The following OTUB2 variants were observed in gnomAD, a reference collection of about 807,000 sequenced individuals.
OTUB2 encodes the protein ubiquitin thioesterase OTUB2.
OTUB2 carries 21 observed loss-of-function variants against 25.1 expected under a neutral mutation model. The ratio of observed to expected loss-of-function variants is 0.84; its 90% confidence interval spans 0.59 to 1.21. The LOEUF (loss-of-function observed/expected upper bound fraction) is 1.21, where lower values mean the gene tolerates loss of function less well. OTUB2 is among the 50% of genes most tolerant of loss of function. The probability of loss-of-function intolerance (pLI) is 0.00; values close to 1 mark genes in which losing one functional copy is unlikely to be tolerated. For synonymous variants in OTUB2, 122 were observed against 122.8 expected, an observed-to-expected ratio of 0.99 and a Z score of 0.04; for missense variants, 283 against 298.0, an observed-to-expected ratio of 0.95 and a Z score of 0.37.
intron 3 of OTUB2, chr14:94,039,490 C>A (rs554978803): frequency 6.8e-5 from 13 of 191,896 alleles, no homozygotes; most frequent in Admixed American, 4.7e-4. Flanking sequence ...GCTGGCTGGG[C>A]CTGTCCCTGA....
chr14:94,029,832 G>C (rs1020330635), intron 1 of OTUB2, among the ~76,000 whole-genome samples: 4 of 152,194 alleles, frequency 2.6e-5, no homozygotes, highest in African/African-American at 9.7e-5. Context: ...CGGGCAGCAT[G>C]CGGGTAAACA....
At chr14:94,040,984 G>C (rs1885150432) in intron 3 of OTUB2, among the ~76,000 whole-genome samples, 1 of 152,234 alleles carries the variant, frequency 6.6e-6, no homozygotes, top group African/African-American at 2.4e-5. Context: ...GGATTGCGCA[G>C]CACGGGGGAC....
In OTUB2 at chr14:94,048,702, C is replaced by A. The variant is rs1469047965; in HGVS notation, c.*2780C>A. ...GCACTGCAGATGGGGAAGCATGTCACCTTGGCAGTGACTCGGTGGCTTCCC... is the reference window on the plus strand; with the variant it reads ...GCACTGCAGATGGGGAAGCATGTCAACTTGGCAGTGACTCGGTGGCTTCCC... On this transcript the variant is annotated 3_prime_UTR_variant, in exon 6 of 6. Coordinates refer to ENST00000203664, the MANE Select transcript of OTUB2 (RefSeq NM_023112.4). The A allele has an allele frequency of 1.3e-5, 2 of 152,234 alleles. No individual in the cohort carries two copies. Among genetic ancestry groups the A allele is most frequent in the Non-Finnish European group, 2.9e-5 (2 of 68,052 alleles). The allele number at this position is 152,234 out of a possible 1,614,324, so 9.4% of individuals were successfully genotyped here.
chr14:94,038,950 C>T lies in OTUB2; in HGVS notation c.100-13C>T. 6.2e-7 allele frequency: 1 copy of T among 1,612,492 alleles called. No homozygotes were observed. ...TTGGTGCAAATGCCCACATTTCTTT[C>T]TGTCCCCCTCAGGAACTCAGCAAAA... is the stretch of plus-strand genomic sequence containing the variant. On this transcript the variant is annotated splice_polypyrimidine_tract_variant and intron_variant, in intron 2 of 5. Coordinates refer to ENST00000203664, the MANE Select transcript of OTUB2 (RefSeq NM_023112.4).
chr14:94,048,361 C>G lies in OTUB2; in HGVS notation c.*2439C>G, dbSNP rs1885320413. 1 of 152,206 alleles carries G rather than the reference C, an allele frequency of 6.6e-6. No homozygotes were observed. Among genetic ancestry groups the G allele is most frequent in the Non-Finnish European group, 1.5e-5 (1 of 68,046 alleles). 9.4% of individuals were successfully genotyped at this position (152,206 alleles called of 1,614,324 possible). On this transcript the variant is annotated 3_prime_UTR_variant, in exon 6 of 6. Coordinates refer to ENST00000203664, the MANE Select transcript of OTUB2 (RefSeq NM_023112.4). ...CTTTTAAATCAATGGGAACAATTAG[C>G]AACAGAAAGAGCACAGTCCCTGCTT...
intron 1 of OTUB2, among the ~76,000 whole-genome samples, chr14:94,034,565 C>G (rs1013012329): frequency 9.9e-5 from 15 of 152,220 alleles, no homozygotes; most frequent in African/African-American, 3.4e-4. Flanking sequence ...ATACCCATCT[C>G]AGGAGGTGGT....
intron 1 of OTUB2, among the ~76,000 whole-genome samples, chr14:94,036,654 T>G (rs1237952083): frequency 6.6e-6 from 1 of 152,188 alleles, no homozygotes; most frequent in East Asian, 1.9e-4. Context: ...TTCTCTGGCC[T>G]GGAGAGATCC....
intron 1 of OTUB2, among the ~76,000 whole-genome samples, chr14:94,027,693 T>C (rs1437131179): frequency 6.6e-6 from 1 of 152,204 alleles, no homozygotes; most frequent in African/African-American, 2.4e-5. Context: ...GGCAGCATGC[T>C]GCCGGGCTGG....
rs1885319086 is a variant in OTUB2 at position 94,048,310 on chromosome 14, T to C, written c.*2388T>C. The C allele has an allele frequency of 6.6e-6, 1 of 152,232 alleles. No individual in the cohort carries two copies. The highest frequency in any genetic ancestry group is 1.5e-5 in the Non-Finnish European group (1 of 68,040). The allele number at this position is 152,232 out of a possible 1,614,324, so 9.4% of individuals were successfully genotyped here. On this transcript the variant is annotated 3_prime_UTR_variant, in exon 6 of 6. Coordinates refer to ENST00000203664, the MANE Select transcript of OTUB2 (RefSeq NM_023112.4). ...GCTTGTTTTTACAACTGCATGTTTA[T>C]TATGATACTTTCTCTCCAAAGGAAA...
chr14:94,043,756 C>T (rs113972977), intron 3 of OTUB2, among the ~76,000 whole-genome samples: 1 of 152,226 alleles, frequency 6.6e-6, no homozygotes, highest in Non-Finnish European at 1.5e-5. Context: ...CATGCACACA[C>T]ACACAATGCA....
intron 2 of OTUB2, 36 bp downstream of exon 2, chr14:94,037,511 T>A: frequency 6.7e-7 from 1 of 1,481,710 alleles, no homozygotes; most frequent in Non-Finnish European, 9.4e-7. Context: ...CATCCGAAAC[T>A]AAACAGGCTG....
At chr14:94,035,286 CT>C (rs761154708) in intron 1 of OTUB2, among the ~76,000 whole-genome samples, 2,675 of 103,844 alleles carry the variant, frequency 0.026, 25 homozygotes, top group African/African-American at 0.074. Flanking sequence ...TTTTTCTTTT[CT>C]TTTTTTTTTT....
Position 94,048,474 on chromosome 14 carries a change from T to G in OTUB2, c.*2552T>G, listed in dbSNP as rs1885323003. ...CTTCAGCATTCACTTACTAGCTGTA[T>G]GATCTTGGCCAAGTCACTTCACCTC... On this transcript the variant is annotated 3_prime_UTR_variant, in exon 6 of 6. Coordinates refer to ENST00000203664, the MANE Select transcript of OTUB2 (RefSeq NM_023112.4). The G allele has an allele frequency of 6.6e-6, 1 of 152,268 alleles. No homozygotes were observed. Among genetic ancestry groups the G allele is most frequent in the African/African-American group, 2.4e-5 (1 of 41,478 alleles). 9.4% of individuals were successfully genotyped at this position (152,268 alleles called of 1,614,324 possible). A position where few individuals can be genotyped will look rare whatever the true frequency, so the allele number is the denominator to read the frequency against.
At chr14:94,032,661 T>C (rs555236281) in intron 1 of OTUB2, among the ~76,000 whole-genome samples, 61 of 152,322 alleles carry the variant, frequency 4.0e-4, no homozygotes, top group Non-Finnish European at 8.1e-4. Context: ...AACTGTGTAC[T>C]TAAAAGTGGT....
At chr14:94,027,756 CA>C (rs1481935909) in intron 1 of OTUB2, among the ~76,000 whole-genome samples, 4 of 152,214 alleles carry the variant, frequency 2.6e-5, no homozygotes, top group Non-Finnish European at 4.4e-5. Context: ...GTGGCATAGG[CA>C]GCCAGGGCAC....
At position 94,026,417 on chromosome 14, in the gene OTUB2, C is replaced by G; in HGVS notation, c.-121C>G. ...GCGGTCGGGTGTATTCTCCGCCGCC[C>G]CCACGCCCTCGAGGTCCCCGCCACC... On this transcript the variant is annotated 5_prime_UTR_variant, in exon 1 of 6. Coordinates refer to ENST00000203664, the MANE Select transcript of OTUB2 (RefSeq NM_023112.4). 7.8e-7 allele frequency: 1 copy of G among 1,288,320 alleles called. No homozygotes were observed. Among genetic ancestry groups the G allele is most frequent in the Non-Finnish European group, 9.8e-7 (1 of 1,016,894 alleles). 79.8% of individuals were successfully genotyped at this position (1,288,320 alleles called of 1,614,324 possible).
intron 1 of OTUB2, among the ~76,000 whole-genome samples, 188 bp downstream of exon 1, chr14:94,026,728 C>A (rs374106964): frequency 1.3e-5 from 2 of 152,154 alleles, no homozygotes; most frequent in Non-Finnish European, 2.9e-5. Flanking sequence ...GTCGCGCCCC[C>A]CTGTACCCCG....
chr14:94,034,745 T>C (rs1885019968), intron 1 of OTUB2, among the ~76,000 whole-genome samples: 1 of 152,214 alleles, frequency 6.6e-6, no homozygotes, highest in African/African-American at 2.4e-5. Flanking sequence ...GCTCGCAGGA[T>C]GGCTGCTGTG....
rs1567054602 is a variant in OTUB2 at position 94,045,926 on chromosome 14, AT to A, written c.*8del. The A allele has an allele frequency of 6.2e-7, 1 of 1,613,514 alleles. No homozygotes were observed. The highest frequency in any genetic ancestry group is 1.1e-5 in the South Asian group (1 of 91,054). On this transcript the variant is annotated 3_prime_UTR_variant, in exon 6 of 6. Coordinates refer to ENST00000203664, the MANE Select transcript of OTUB2 (RefSeq NM_023112.4). ...TTATGCAGCCGATAAACATTGATTAATTTTAGGCCATGCAGTGGAACCTGTC... is the reference window on the plus strand; with the variant it reads ...TTATGCAGCCGATAAACATTGATTAATTTAGGCCATGCAGTGGAACCTGTC...
Sources: gnomAD v4.1 joint callset for allele counts (sites outside exome capture counted in the v4.1 genomes callset) on GRCh38, gnomAD v4.1.1 for gene constraint, MANE v1.5 for transcripts, NCBI Gene and HGNC (gene_info 2026-07-23, HGNC 2026-07-21) for gene names.